CFAP299: variants seen among roughly 807,000 people sequenced by gnomAD.
The protein encoded by CFAP299 is cilia and flagella associated protein 299.
CFAP299 carries 21 observed loss-of-function variants against 27.0 expected under a neutral mutation model. The observed-to-expected ratio is 0.78, with a 90% CI of 0.55 to 1.12. The LOEUF (loss-of-function observed/expected upper bound fraction) is 1.12, where lower values mean the gene tolerates loss of function less well. Among genes scored for constraint, CFAP299 ranks in the 50% most tolerant of loss-of-function variants. The pLI is 0.00. For synonymous variants in CFAP299, 104 were observed against 98.1 expected (o/e 1.06, Z -0.36); for missense variants, 310 against 276.6 (o/e 1.12, Z -0.86).
At chr4:80,405,331 G>A (rs184396014) in intron 2 of CFAP299, among the ~76,000 whole-genome samples, 14 of 152,252 alleles carry the variant, frequency 9.2e-5, no homozygotes, top group East Asian at 5.8e-4. Flanking sequence ...ACTGTATGGC[G>A]TTAGATCAAG....
intron 5 of CFAP299, among the ~76,000 whole-genome samples, chr4:80,955,645 T>C (rs1738028452): frequency 6.6e-6 from 1 of 152,216 alleles, no homozygotes; most frequent in Admixed American, 6.5e-5. Context: ...CTGTATTTAC[T>C]GATGTTGATG....
At chr4:80,491,556 T>C (rs569257813) in intron 2 of CFAP299, among the ~76,000 whole-genome samples, 3 of 152,236 alleles carry the variant, frequency 2.0e-5, no homozygotes, top group South Asian at 4.1e-4. Flanking sequence ...TCTGGTAACT[T>C]TGGGAAACTT....
At chr4:80,631,478 T>A (rs1166598822) in intron 3 of CFAP299, among the ~76,000 whole-genome samples, 1 of 152,088 alleles carries the variant, frequency 6.6e-6, no homozygotes, top group Non-Finnish European at 1.5e-5. Flanking sequence ...GATTCCTGGT[T>A]GTTTGCATTT....
chr4:80,612,004 A>G (rs972509152), intron 3 of CFAP299, among the ~76,000 whole-genome samples: 2 of 152,072 alleles, frequency 1.3e-5, no homozygotes, highest in South Asian at 2.1e-4. Context: ...AAATTCACAA[A>G]TCGTCGATGA....
intron 3 of CFAP299, among the ~76,000 whole-genome samples, chr4:80,694,179 T>C (rs1720941195): frequency 6.6e-6 from 1 of 152,198 alleles, no homozygotes; most frequent in Non-Finnish European, 1.5e-5. Context: ...TGATCACCGT[T>C]GAACAACACA....
At chr4:80,751,756 C>G (rs891030273) in intron 3 of CFAP299, among the ~76,000 whole-genome samples, 2 of 152,152 alleles carry the variant, frequency 1.3e-5, no homozygotes, top group Non-Finnish European at 2.9e-5. Flanking sequence ...GCCCCTGGAA[C>G]TTGAACCCTG....
chr4:80,841,840 T>G (rs1730876475), intron 3 of CFAP299, among the ~76,000 whole-genome samples: 1 of 152,094 alleles, frequency 6.6e-6, no homozygotes. Context: ...TTGAGAGGCC[T>G]TCTTACCTCT....
intron 3 of CFAP299, among the ~76,000 whole-genome samples, chr4:80,814,584 A>T (rs1729327239): frequency 2.0e-5 from 3 of 151,944 alleles, no homozygotes; most frequent in Admixed American, 2.0e-4. Context: ...TTTGGGAATA[A>T]TTTTAATGTC....
In CFAP299 at chr4:80,583,159, A is replaced by C; in HGVS notation, c.309A>C (p.Glu103Asp). ...TGACGGCCCTGGCAATGAGAGAAGA[A>C]GACAATCGCAGTGGAAAACTGAGTG... is the stretch of plus-strand genomic sequence containing the variant. ...NFLTALAMRE[E>D]DNRSGKLSSV... Residue 103 changes from glutamate (E) to aspartate (D), a missense_variant, in exon 3 of 6, where the codon GAA becomes GAC. Physicochemically the swap from Glu to Asp is conservative, Grantham distance 45 (BLOSUM62 2). Transcript: ENST00000358105. 3 of 1,605,506 alleles carry C rather than the reference A, an allele frequency of 1.9e-6. No homozygotes were observed. Among genetic ancestry groups the C allele is most frequent in the Non-Finnish European group, 1.7e-6 (2 of 1,174,448 alleles).
chr4:80,382,443 G>A (rs1353238550), intron 2 of CFAP299, among the ~76,000 whole-genome samples: 10 of 152,190 alleles, frequency 6.6e-5, no homozygotes, highest in Non-Finnish European at 1.3e-4. Flanking sequence ...CTATGCATCT[G>A]ACAAAGGTCT....
intron 3 of CFAP299, among the ~76,000 whole-genome samples, chr4:80,862,247 G>T (rs2110160163): frequency 1.3e-5 from 2 of 152,202 alleles, no homozygotes; most frequent in Middle Eastern, 3.4e-3. Flanking sequence ...GCGTGTGCTT[G>T]TGGTCCCAGC....
chr4:80,958,378 C>A lies in CFAP299; in HGVS notation c.607-5139C>A, dbSNP rs990764837. 5.9e-5 allele frequency among the ~76,000 whole-genome samples: 9 copies of A among 152,192 alleles called. 1 individual carries two copies. The highest frequency in any genetic ancestry group is 2.0e-4 in the Admixed American group (3 of 15,264). On this transcript the variant is annotated intron_variant, in intron 5 of 5. Coordinates refer to ENST00000358105, the MANE Select transcript of CFAP299 (RefSeq NM_152770.3). ...GGTTTTATAATTTGTACAATTACAT[C>A]CTGGTAAAAAGGATGACAACTTCTT...
chr4:80,789,430 C>T (rs531957777), intron 3 of CFAP299, among the ~76,000 whole-genome samples: 131 of 152,142 alleles, frequency 8.6e-4, no homozygotes, highest in African/African-American at 2.9e-3. Context: ...ATTCTACCTA[C>T]ATTAGATAGC....
intron 3 of CFAP299, among the ~76,000 whole-genome samples, chr4:80,603,634 T>C (rs973376599): frequency 6.6e-6 from 1 of 152,210 alleles, no homozygotes; most frequent in Non-Finnish European, 1.5e-5. Context: ...TAAGGACTTA[T>C]GTATGAAAAT....
intron 3 of CFAP299, among the ~76,000 whole-genome samples, chr4:80,696,363 C>A (rs2110022425): frequency 6.6e-6 from 1 of 151,124 alleles, no homozygotes; most frequent in South Asian, 2.1e-4. Flanking sequence ...TTAAATGAGT[C>A]ATTTGTTCAG....
intron 3 of CFAP299, among the ~76,000 whole-genome samples, chr4:80,733,701 T>C (rs1403368847): frequency 6.6e-6 from 1 of 152,096 alleles, no homozygotes; most frequent in Non-Finnish European, 1.5e-5. Context: ...CCCACAAATA[T>C]GTGACACTGA....
intron 2 of CFAP299, among the ~76,000 whole-genome samples, chr4:80,576,118 G>A (rs1735839927): frequency 6.6e-6 from 1 of 150,922 alleles, no homozygotes; most frequent in Non-Finnish European, 1.5e-5. Context: ...ACACCAACAT[G>A]ACACATGTAT....
intron 2 of CFAP299, among the ~76,000 whole-genome samples, chr4:80,398,283 A>T (rs950524052): frequency 6.6e-6 from 1 of 152,212 alleles, no homozygotes; most frequent in Non-Finnish European, 1.5e-5. Context: ...TATAGATTCA[A>T]TGCTGTCCCC....
chr4:80,677,033 A>G (rs1408118246), intron 3 of CFAP299, among the ~76,000 whole-genome samples: 10 of 151,724 alleles, frequency 6.6e-5, no homozygotes, highest in Admixed American at 6.6e-4. Flanking sequence ...GAGGTTCATC[A>G]TTAGGTTGTT....
Sources: allele counts gnomAD v4.1 joint callset (sites outside exome capture counted in the v4.1 genomes callset), GRCh38; gene constraint gnomAD v4.1.1; transcripts MANE v1.5; gene names NCBI Gene and HGNC (gene_info 2026-07-23, HGNC 2026-07-21).